The following FAR2 variants were observed in gnomAD, a reference collection of about 807,000 sequenced individuals.
The protein encoded by FAR2 is epididymis secretory protein Li 81.
FAR2 carries 19 observed loss-of-function variants against 56.0 expected under a neutral mutation model. That is an observed-to-expected ratio of 0.34 (90% CI 0.24 to 0.50). The LOEUF is 0.50. Ranked by LOEUF, FAR2 falls within the 20% of genes least tolerant of loss-of-function variation. The pLI, the probability that FAR2 is intolerant of heterozygous loss-of-function variation, is 0.98. For missense variants in FAR2, 508 were observed against 642.2 expected, an observed-to-expected ratio of 0.79 and a Z score of 2.26; for synonymous variants, 219 against 218.8, an observed-to-expected ratio of 1.00 and a Z score of -0.01.
intron 1 of FAR2, among the ~76,000 whole-genome samples, chr12:29,227,720 C>T (rs1340538934): frequency 6.6e-6 from 1 of 152,094 alleles, no homozygotes; most frequent in East Asian, 1.9e-4. Context: ...TCGGTAAAAG[C>T]AGCATTCTCT....
intron 1 of FAR2, among the ~76,000 whole-genome samples, chr12:29,237,396 T>C (rs1026085592): frequency 4.6e-5 from 7 of 152,196 alleles, no homozygotes; most frequent in African/African-American, 1.7e-4. Flanking sequence ...ATTGTATTCT[T>C]TATCAGGCAC....
intron 1 of FAR2, among the ~76,000 whole-genome samples, chr12:29,196,611 A>G (rs766195394): frequency 1.3e-5 from 2 of 152,142 alleles, no homozygotes; most frequent in African/African-American, 2.4e-5. Flanking sequence ...AAAAAAAGCA[A>G]CTCAAGGTGG....
intron 1 of FAR2, among the ~76,000 whole-genome samples, chr12:29,186,070 A>G (rs1950036995): frequency 6.6e-6 from 1 of 152,196 alleles, no homozygotes; most frequent in Non-Finnish European, 1.5e-5. Context: ...AATATTTAAA[A>G]ACTAGTGAAA....
chr12:29,236,744 G>C (rs536084340), intron 1 of FAR2, among the ~76,000 whole-genome samples: 1 of 152,238 alleles, frequency 6.6e-6, no homozygotes, highest in South Asian at 2.1e-4. Context: ...TGAGATTTGG[G>C]TGGGGACACA....
At chr12:29,299,016 C>G (rs1426354990) in intron 4 of FAR2, among the ~76,000 whole-genome samples, 1 of 151,934 alleles carries the variant, frequency 6.6e-6, no homozygotes, top group Non-Finnish European at 1.5e-5. Context: ...GAGTTCGAGA[C>G]CAGCCTGACC....
intron 1 of FAR2, among the ~76,000 whole-genome samples, chr12:29,258,161 A>G (rs1417681014): frequency 1.4e-5 from 2 of 147,422 alleles, no homozygotes; most frequent in African/African-American, 2.5e-5. Context: ...CTGACCAACA[A>G]GGTTAAACCT....
intron 1 of FAR2, among the ~76,000 whole-genome samples, chr12:29,251,120 T>C (rs981050349): frequency 5.3e-5 from 8 of 152,188 alleles, no homozygotes; most frequent in Non-Finnish European, 1.0e-4. Context: ...AGAAGTCTAT[T>C]AATCTTACTT....
intron 10 of FAR2, among the ~76,000 whole-genome samples, chr12:29,325,558 C>T (rs1300730869): frequency 6.6e-6 from 1 of 152,162 alleles, no homozygotes. Context: ...GTCTCTCAGA[C>T]CATAGTGCAA....
rs1466830887 is a variant in FAR2 at position 29,334,339 on chromosome 12, T to C, written c.*545T>C. Reference sequence around the variant, plus strand: ...ATACCCTGGAGTCCTGGTTGAGGGGTGGGGGAATCAGAAAAGTAGGTTTAC... The same window carrying C: ...ATACCCTGGAGTCCTGGTTGAGGGGCGGGGGAATCAGAAAAGTAGGTTTAC... On this transcript the variant is annotated 3_prime_UTR_variant, in exon 12 of 12. Coordinates refer to ENST00000536681, the MANE Select transcript of FAR2 (RefSeq NM_001271783.2). 3 of 151,946 alleles carry C rather than the reference T, an allele frequency of 2.0e-5. No homozygotes were observed. The highest frequency in any genetic ancestry group is 4.4e-5 in the Non-Finnish European group (3 of 67,994). 9.4% of individuals were successfully genotyped at this position (151,946 alleles called of 1,614,324 possible). A position where few individuals can be genotyped will look rare whatever the true frequency, so the allele number is the denominator to read the frequency against.
intron 1 of FAR2, among the ~76,000 whole-genome samples, chr12:29,218,881 T>TTGTA (rs1947653484): frequency 6.6e-6 from 1 of 151,130 alleles, no homozygotes; most frequent in Admixed American, 6.6e-5. Flanking sequence ...CGTGTTAGAA[T>TTGTA]TTTATTTATT....
chr12:29,332,201 C>A (rs757714493), intron 10 of FAR2, among the ~76,000 whole-genome samples: 1 of 152,078 alleles, frequency 6.6e-6, no homozygotes, highest in Non-Finnish European at 1.5e-5. Flanking sequence ...GGGATAACAC[C>A]AAAATTTAAG....
chr12:29,254,964 A>AG (rs1273785024), intron 1 of FAR2, among the ~76,000 whole-genome samples: 3 of 151,944 alleles, frequency 2.0e-5, no homozygotes, highest in Non-Finnish European at 4.4e-5. Context: ...AAAAAAAAAA[A>AG]AAGTTTACTC....
intron 1 of FAR2, among the ~76,000 whole-genome samples, chr12:29,159,260 C>T (rs10843336): frequency 0.12 from 17,866 of 152,050 alleles, 1,205 homozygotes; most frequent in African/African-American, 0.17. Context: ...GATGGGAGGC[C>T]GGGCACGGTG....
intron 1 of FAR2, among the ~76,000 whole-genome samples, chr12:29,243,634 T>C (rs1257522565): frequency 3.3e-5 from 5 of 152,154 alleles, no homozygotes; most frequent in African/African-American, 1.2e-4. Context: ...TATGTTGATA[T>C]ATCCTGGTCA....
At chr12:29,217,824 T>C (rs1015582283) in intron 1 of FAR2, among the ~76,000 whole-genome samples, 1 of 152,104 alleles carries the variant, frequency 6.6e-6, no homozygotes, top group African/African-American at 2.4e-5. Flanking sequence ...AGCTAGTCAA[T>C]AGAAATAGCA....
intron 2 of FAR2, among the ~76,000 whole-genome samples, chr12:29,287,428 T>G (rs566111464): frequency 6.6e-6 from 1 of 152,332 alleles, no homozygotes; most frequent in East Asian, 1.9e-4. Context: ...GGTATAATGG[T>G]TTTTGCTTAA....
intron 1 of FAR2, among the ~76,000 whole-genome samples, chr12:29,222,250 G>T (rs557063556): frequency 6.6e-6 from 1 of 152,274 alleles, no homozygotes; most frequent in Non-Finnish European, 1.5e-5. Context: ...ATTTGAACTT[G>T]TCCCCATTGC....
chr12:29,149,537 C>G (rs971603028), intron 1 of FAR2, 130 bp downstream of exon 1: 1 of 152,376 alleles, frequency 6.6e-6, no homozygotes, highest in Non-Finnish European at 1.5e-5. Flanking sequence ...GGCGGGACCT[C>G]GAGGAGGGTG....
At chr12:29,284,697 T>C (rs547123522) in intron 2 of FAR2, among the ~76,000 whole-genome samples, 5 of 152,206 alleles carry the variant, frequency 3.3e-5, no homozygotes, top group African/African-American at 4.8e-5. Flanking sequence ...AAGGCTTAGA[T>C]AAATTAATCT....
Sources: allele counts gnomAD v4.1 joint callset (sites outside exome capture counted in the v4.1 genomes callset), GRCh38; gene constraint gnomAD v4.1.1; transcripts MANE v1.5; gene names NCBI Gene and HGNC (gene_info 2026-07-23, HGNC 2026-07-21).